E2F3: variants seen among roughly 807,000 people sequenced by gnomAD.
E2F3 encodes the protein E2F transcription factor 3.
Under a neutral mutation model 44.4 loss-of-function variants are expected in E2F3, and 11 were observed. The observed-to-expected ratio is 0.25, with a 90% CI of 0.16 to 0.41. E2F3 has a LOEUF of 0.41. E2F3 is among the 10% of genes least tolerant of loss of function. The pLI, the probability that E2F3 is intolerant of heterozygous loss-of-function variation, is 1.00. For missense variants in E2F3, 487 were observed against 583.6 expected (o/e 0.83, Z 1.70); for synonymous variants, 249 against 253.0 (o/e 0.98, Z 0.15).
intron 1 of E2F3, chr6:20,421,940 T>C (rs1455725480): frequency 6.6e-6 from 1 of 152,222 alleles, no homozygotes; most frequent in Non-Finnish European, 1.5e-5. Flanking sequence ...TAAACGATCA[T>C]TGGCTTCAAC....
rs1762537569 is a variant in E2F3 at position 20,490,919 on chromosome 6, G to A, written c.*489G>A. On this transcript the variant is annotated 3_prime_UTR_variant, in exon 7 of 7. Transcript: ENST00000346618. The surrounding 1 kb of genome is among the most constrained non-coding windows in gnomAD (Gnocchi z 4.3). ...ATGGAACTGCAGCAAATGCAAACTT[G>A]AAGTCATGCAAAAGTATGAAATGGA... 1 of 229,670 alleles carries A rather than the reference G, an allele frequency of 4.4e-6. No homozygotes were observed. The highest frequency in any genetic ancestry group is 6.2e-5 in the East Asian group (1 of 16,086). 14.2% of individuals were successfully genotyped at this position (229,670 alleles called of 1,614,324 possible).
rs939101465 is a variant in E2F3 at position 20,487,805 on chromosome 6, C to G, written c.1000-308C>G. Among the ~76,000 whole-genome samples, 13 of 152,242 alleles carry G rather than the reference C, an allele frequency of 8.5e-5. 1 individual carries two copies. The East Asian group carries it at 2.1e-3, about 25-fold the overall frequency. On this transcript the variant is annotated intron_variant, in intron 5 of 6. Transcript: ENST00000346618. ...CCGTACAGCCTGTGTCTAGACTATT[C>G]AACTGTGCACCTCTGACATTGTGAT... is the stretch of plus-strand genomic sequence containing the variant.
At chr6:20,440,622 G>A (rs555082286) in intron 1 of E2F3, among the ~76,000 whole-genome samples, 20 of 152,314 alleles carry the variant, frequency 1.3e-4, no homozygotes, top group Admixed American at 2.6e-4. Flanking sequence ...ACCCACTAGA[G>A]AAACTGAAGT....
intron 1 of E2F3, among the ~76,000 whole-genome samples, chr6:20,404,929 A>G (rs1759443355): frequency 6.6e-6 from 1 of 152,206 alleles, no homozygotes; most frequent in Non-Finnish European, 1.5e-5. Context: ...TTACTATTTC[A>G]TAAACCTAAC....
chr6:20,453,937 T>C (rs1761225690), intron 1 of E2F3, among the ~76,000 whole-genome samples: 2 of 152,258 alleles, frequency 1.3e-5, no homozygotes, highest in Non-Finnish European at 2.9e-5. Context: ...CCAAGGATAA[T>C]ATTTACTCCA....
intron 1 of E2F3, among the ~76,000 whole-genome samples, chr6:20,426,952 A>G (rs1484786105): frequency 2.0e-5 from 3 of 151,956 alleles, no homozygotes; most frequent in Non-Finnish European, 4.4e-5. Context: ...TGGGTGAGAC[A>G]TTTTTTTTCT....
intron 1 of E2F3, among the ~76,000 whole-genome samples, chr6:20,450,984 A>G (rs1341924836): frequency 1.3e-5 from 2 of 152,082 alleles, no homozygotes; most frequent in Admixed American, 6.5e-5. Context: ...CCATTGGTCT[A>G]TGTGTCTGTT....
intron 1 of E2F3, among the ~76,000 whole-genome samples, chr6:20,417,945 G>A (rs1759902314): frequency 6.6e-6 from 1 of 152,202 alleles, no homozygotes; most frequent in African/African-American, 2.4e-5. Context: ...TACAGTGACA[G>A]TTTTAAGTTT....
At chr6:20,425,816 A>G (rs1025363594) in intron 1 of E2F3, among the ~76,000 whole-genome samples, 1 of 152,188 alleles carries the variant, frequency 6.6e-6, no homozygotes, top group East Asian at 1.9e-4. Context: ...TGGGACATTC[A>G]TGTGTCTAAA....
chr6:20,479,023 G>A (rs1219572839), intron 1 of E2F3, among the ~76,000 whole-genome samples: 1 of 152,092 alleles, frequency 6.6e-6, no homozygotes, highest in African/African-American at 2.4e-5. Flanking sequence ...CCAATGCCTA[G>A]GTACCTAGAA....
chr6:20,412,927 G>T (rs2127586221), intron 1 of E2F3, among the ~76,000 whole-genome samples: 1 of 152,340 alleles, frequency 6.6e-6, no homozygotes, highest in Non-Finnish European at 1.5e-5. Flanking sequence ...GTGCCCGCAT[G>T]TATCGAGGGC....
intron 1 of E2F3, among the ~76,000 whole-genome samples, chr6:20,444,932 G>A (rs1256149821): frequency 1.3e-5 from 2 of 152,176 alleles, no homozygotes; most frequent in African/African-American, 4.8e-5. Flanking sequence ...GTCATGCTGG[G>A]GACAGCCGTT....
At chr6:20,436,492 GAGAA>G (rs1293312086) in intron 1 of E2F3, among the ~76,000 whole-genome samples, 10 of 135,764 alleles carry the variant, frequency 7.4e-5, no homozygotes, top group Non-Finnish European at 8.1e-5. Context: ...GAGAGAGAGA[GAGAA>G]AAATTTTGTA....
chr6:20,463,230 T>C (rs1761585191), intron 1 of E2F3, among the ~76,000 whole-genome samples: 1 of 152,150 alleles, frequency 6.6e-6, no homozygotes. Flanking sequence ...GCCAAATCTC[T>C]TTAAAAGATA....
chr6:20,418,471 G>A (rs1443746355), intron 1 of E2F3, among the ~76,000 whole-genome samples: 1 of 152,182 alleles, frequency 6.6e-6, no homozygotes, highest in African/African-American at 2.4e-5. Flanking sequence ...AGTAGGTCTA[G>A]CCCTAAACTG....
chr6:20,450,081 A>G (rs1761078931), intron 1 of E2F3, among the ~76,000 whole-genome samples: 1 of 152,198 alleles, frequency 6.6e-6, no homozygotes, highest in Non-Finnish European at 1.5e-5. Flanking sequence ...CAGTGAACAT[A>G]CGGTATGCAT....
intron 4 of E2F3, among the ~76,000 whole-genome samples, chr6:20,485,812 G>A (rs950579639): frequency 6.6e-6 from 1 of 152,174 alleles, no homozygotes; most frequent in Non-Finnish European, 1.5e-5. Context: ...CAGCCCAGGT[G>A]CACTTAAGAA....
At chr6:20,469,589 G>A (rs1006311124) in intron 1 of E2F3, among the ~76,000 whole-genome samples, 1 of 152,214 alleles carries the variant, frequency 6.6e-6, no homozygotes, top group Non-Finnish European at 1.5e-5. Context: ...TTCTAAGTCA[G>A]TGAGATTGCT....
At chr6:20,474,785 T>C (rs1368115012) in intron 1 of E2F3, among the ~76,000 whole-genome samples, 1 of 152,234 alleles carries the variant, frequency 6.6e-6, no homozygotes, top group Non-Finnish European at 1.5e-5. Context: ...TAGCCCTTTT[T>C]CAAGAGATTC....
Sources: allele counts gnomAD v4.1 joint callset (sites outside exome capture counted in the v4.1 genomes callset), GRCh38; gene constraint gnomAD v4.1.1; non-coding constraint Gnocchi (gnomAD v3.1); transcripts MANE v1.5; gene names NCBI Gene and HGNC (gene_info 2026-07-23, HGNC 2026-07-21).